Variants in P2RX5 observed in about 807,000 individuals in gnomAD.
P2RX5 encodes the protein purinergic receptor P2X 5, also known as P2X purinoceptor 5.
In P2RX5, 46 loss-of-function variants were observed where a neutral mutation model predicts 54.1. That is an observed-to-expected ratio of 0.85 (90% CI 0.67 to 1.09). P2RX5 has a LOEUF of 1.09. P2RX5 is among the 50% of genes least tolerant of loss of function. The pLI, the probability that P2RX5 is intolerant of heterozygous loss-of-function variation, is 0.00. For synonymous variants in P2RX5, 226 were observed against 226.4 expected (o/e 1.00, Z 0.02); for missense variants, 566 against 549.8 (o/e 1.03, Z -0.29).
At chr17:3,701,758 T>TG in the P2RX5 span, among the ~76,000 whole-genome samples, 1 of 120,232 alleles carries the variant, frequency 8.3e-6, no homozygotes, top group African/African-American at 2.6e-5. Context: ...TTTTTTTTTT[T>TG]TTGTTTTTTT....
At position 3,690,867 on chromosome 17, in the gene P2RX5, A is replaced by G. The variant is rs979459359; in HGVS notation, c.360+89T>C. On this transcript the variant is annotated intron_variant, in intron 3 of 11. Transcript: ENST00000225328. Reference sequence around the variant, plus strand: ...CAGCCACCCGAGACCCTTGGAGTGGACAGACACCCTTGCTTCAGAAGAGAG... The same window carrying G: ...CAGCCACCCGAGACCCTTGGAGTGGGCAGACACCCTTGCTTCAGAAGAGAG... 8.6e-6 allele frequency: 11 copies of G among 1,272,716 alleles called. No individual in the cohort carries two copies. In the African/African-American group the frequency reaches 1.5e-4, roughly 17 times the overall value. 78.8% of individuals were successfully genotyped at this position (1,272,716 alleles called of 1,614,324 possible).
intron 10 of P2RX5, among the ~76,000 whole-genome samples, 199 bp downstream of exon 10, chr17:3,681,697 C>G (rs1350300357): frequency 6.6e-6 from 1 of 152,202 alleles, no homozygotes; most frequent in African/African-American, 2.4e-5. Flanking sequence ...CCCTGTGGCC[C>G]ACAGCGCCCT....
chr17:3,714,214 A>ATCATG, the P2RX5 span, among the ~76,000 whole-genome samples: 1 of 150,890 alleles, frequency 6.6e-6, no homozygotes, highest in Non-Finnish European at 1.5e-5. Flanking sequence ...GGCGTGAGCC[A>ATCATG]CCGCACCCCG....
At chr17:3,684,832 C>T (rs562465109) in intron 9 of P2RX5, among the ~76,000 whole-genome samples, 79 of 131,948 alleles carry the variant, frequency 6.0e-4, no homozygotes, top group African/African-American at 2.1e-3. Context: ...CTAATCCTGC[C>T]CCCTTTTTTT....
chr17:3,702,470 C>G, the P2RX5 span, among the ~76,000 whole-genome samples: 30 of 152,076 alleles, frequency 2.0e-4, no homozygotes, highest in South Asian at 6.0e-3. Context: ...CAGTGGCAAC[C>G]TGCTGGAGTC....
At chr17:3,704,059 G>A in the P2RX5 span, among the ~76,000 whole-genome samples, 3 of 152,024 alleles carry the variant, frequency 2.0e-5, no homozygotes, top group Non-Finnish European at 2.9e-5. Flanking sequence ...CTGAGATGAC[G>A]CCATTGCACT....
chr17:3,715,557 T>C, the P2RX5 span, among the ~76,000 whole-genome samples: 1 of 152,074 alleles, frequency 6.6e-6, no homozygotes, highest in Admixed American at 6.6e-5. Flanking sequence ...ATAGTTTGAC[T>C]TGTTGGGAGA....
the P2RX5 span, among the ~76,000 whole-genome samples, chr17:3,720,825 T>C: frequency 1.3e-5 from 2 of 151,924 alleles, no homozygotes; most frequent in Non-Finnish European, 2.9e-5. Context: ...TCAGATGATC[T>C]ACCCACCTCG....
At chr17:3,711,610 G>C in the P2RX5 span, among the ~76,000 whole-genome samples, 2 of 151,928 alleles carry the variant, frequency 1.3e-5, no homozygotes, top group Non-Finnish European at 2.9e-5. Context: ...TCAAGCTCCC[G>C]ACCTCAGGTG....
chr17:3,714,677 C>T, the P2RX5 span: 8 of 462,378 alleles, frequency 1.7e-5, no homozygotes, highest in South Asian at 3.8e-4. Flanking sequence ...CCTAAGTTTA[C>T]TTTTTGCACA....
chr17:3,695,142 G>A (rs935600335), intron 1 of P2RX5, among the ~76,000 whole-genome samples: 1 of 152,194 alleles, frequency 6.6e-6, no homozygotes, highest in African/African-American at 2.4e-5. Flanking sequence ...ATTGTCCAGC[G>A]CTGCTTCTCC....
intron 10 of P2RX5, among the ~76,000 whole-genome samples, chr17:3,680,933 ATCCTCCACCCTGCG>A (rs2050257901): frequency 4.1e-5 from 4 of 97,678 alleles, no homozygotes; most frequent in Non-Finnish European, 6.2e-5. Context: ...TCCACCCTGC[ATCCTCCACCCTGCG>A]TCCTCCACCC....
chr17:3,699,981 A>G (rs2050807816), upstream of P2RX5, among the ~76,000 whole-genome samples: 1 of 139,620 alleles, frequency 7.2e-6, no homozygotes, highest in Admixed American at 7.0e-5. Flanking sequence ...AAAGAAAATT[A>G]GTGTATTTAA....
the P2RX5 span, among the ~76,000 whole-genome samples, chr17:3,711,224 C>CT: frequency 6.6e-6 from 1 of 152,158 alleles, no homozygotes; most frequent in East Asian, 1.9e-4. Flanking sequence ...TTCGAATAAC[C>CT]TGTTTCTCTC....
intron 11 of P2RX5, chr17:3,675,336 G>A (rs541100697): frequency 8.6e-5 from 85 of 984,610 alleles, no homozygotes; most frequent in African/African-American, 2.3e-4. Flanking sequence ...CACCGTGCCC[G>A]GCTAGGAAGA....
chr17:3,676,988 G>A (rs551225685), intron 11 of P2RX5: 1 of 608,634 alleles, frequency 1.6e-6, no homozygotes, highest in African/African-American at 2.0e-5. Context: ...ATTGAACCTG[G>A]GAGGCGGAGG....
intron 11 of P2RX5, 28 bp downstream of exon 11, chr17:3,679,562 C>A: frequency 1.9e-6 from 3 of 1,599,652 alleles, no homozygotes; most frequent in Non-Finnish European, 2.5e-6. Context: ...ACCCAGCTGT[C>A]GGGCTCTCTG....
the P2RX5 span, chr17:3,720,596 T>A: frequency 2.3e-6 from 1 of 438,874 alleles, no homozygotes. Flanking sequence ...TTTTTTTTTT[T>A]TTTGAGATGG....
At chr17:3,681,452 T>C (rs2142997292) in intron 10 of P2RX5, among the ~76,000 whole-genome samples, 1 of 148,732 alleles carries the variant, frequency 6.7e-6, no homozygotes, top group African/African-American at 2.5e-5. Flanking sequence ...CCCAGGAAAC[T>C]CCGGAAACAG....
Sources: allele counts gnomAD v4.1 joint callset (sites outside exome capture counted in the v4.1 genomes callset), GRCh38; gene constraint gnomAD v4.1.1; transcripts MANE v1.5; gene names NCBI Gene and HGNC (gene_info 2026-07-23, HGNC 2026-07-21).